THSD4: variants seen among roughly 807,000 people sequenced by gnomAD.
THSD4 encodes thrombospondin type 1 domain containing 4, also known as thrombospondin type-1 domain-containing protein 4.
Under a neutral mutation model 119.0 loss-of-function variants are expected in THSD4, and 69 were observed. That is an observed-to-expected ratio of 0.58 (90% CI 0.48 to 0.71). THSD4 has a LOEUF of 0.71. Ranked by LOEUF, THSD4 falls within the 30% of genes least tolerant of loss-of-function variation. THSD4 has a pLI of 0.00. For synonymous variants in THSD4, 524 were observed against 540.4 expected, an observed-to-expected ratio of 0.97 and a Z score of 0.42; for missense variants, 1,393 against 1,391.1, an observed-to-expected ratio of 1.00 and a Z score of -0.02.
intron 6 of THSD4, among the ~76,000 whole-genome samples, chr15:71,380,819 C>G (rs1006587846): frequency 6.6e-6 from 1 of 152,234 alleles, no homozygotes; most frequent in Non-Finnish European, 1.5e-5. Flanking sequence ...AGCTTGCCAC[C>G]CACCACTTAG....
chr15:71,332,891 C>CCTTTTTTTTTTTTTTTTTT (rs1184457820), intron 6 of THSD4, among the ~76,000 whole-genome samples: 1 of 38,034 alleles, frequency 2.6e-5, no homozygotes, highest in East Asian at 1.3e-3. Flanking sequence ...GATTTTTTTA[C>CCTTTTTTTTTTTTTTTTTT]ATTTTTTTTT....
chr15:71,579,904 G>GTT lies in THSD4; in HGVS notation c.1153-80617_1153-80616dup, dbSNP rs138949303. Reference sequence around the variant, plus strand: ...TGGCTTAAAACACATAAACGGTGGGGTTTTTTTTTTGAGGAGGGTGATGCT... The same window carrying GTT: ...TGGCTTAAAACACATAAACGGTGGGGTTTTTTTTTTTTGAGGAGGGTGATGCT... On this transcript the variant is annotated intron_variant, in intron 7 of 17. Coordinates refer to ENST00000261862, the MANE Select transcript of THSD4 (RefSeq NM_024817.3). Among the ~76,000 whole-genome samples, 1,460 of 148,406 alleles carry GTT rather than the reference G, an allele frequency of 9.8e-3. 27 individuals are homozygous for GTT. The highest frequency in any genetic ancestry group is 0.033 in the African/African-American group (1,357 of 40,590).
chr15:71,341,565 C>T (rs1440181286), intron 6 of THSD4: 1 of 1,607,010 alleles, frequency 6.2e-7, no homozygotes, highest in Non-Finnish European at 8.5e-7. Flanking sequence ...AAAGTGACAT[C>T]TTTCAGATAC....
intron 7 of THSD4, among the ~76,000 whole-genome samples, chr15:71,653,623 G>A (rs5028694): frequency 0.52 from 78,498 of 152,084 alleles, 22,741 homozygotes; most frequent in Non-Finnish European, 0.66. Flanking sequence ...CTCACCTTGA[G>A]GAAGAAGAGC....
intron 7 of THSD4, among the ~76,000 whole-genome samples, chr15:71,546,036 A>C (rs11636519): frequency 0.23 from 34,408 of 152,164 alleles, 4,514 homozygotes; most frequent in Admixed American, 0.29. Context: ...CTGTGTCTTT[A>C]GTAGTTACTG....
chr15:71,641,419 T>C (rs1454165736), intron 7 of THSD4, among the ~76,000 whole-genome samples: 1 of 152,058 alleles, frequency 6.6e-6, no homozygotes, highest in East Asian at 1.9e-4. Context: ...CTTTACACCA[T>C]TGTTAACAAC....
At chr15:71,647,060 G>A (rs114745598) in intron 7 of THSD4, among the ~76,000 whole-genome samples, 194 of 152,250 alleles carry the variant, frequency 1.3e-3, no homozygotes, top group African/African-American at 4.2e-3. Flanking sequence ...CACATCTGGG[G>A]GGCATGATTT....
chr15:71,603,021 G>A (rs556165296), intron 7 of THSD4, among the ~76,000 whole-genome samples: 101 of 152,326 alleles, frequency 6.6e-4, no homozygotes, highest in African/African-American at 2.2e-3. Flanking sequence ...CTCTTTCCCC[G>A]CTATGTTGCC....
chr15:71,396,003 G>T (rs962829575), intron 6 of THSD4, among the ~76,000 whole-genome samples: 1 of 148,438 alleles, frequency 6.7e-6, no homozygotes, highest in South Asian at 2.2e-4. Flanking sequence ...GTCGGGATTC[G>T]CTGAGTGGAC....
intron 6 of THSD4, among the ~76,000 whole-genome samples, chr15:71,379,023 A>G (rs537495944): frequency 1.3e-5 from 2 of 152,164 alleles, no homozygotes; most frequent in Admixed American, 1.3e-4. Flanking sequence ...GGCTCAAACA[A>G]TCCTCCTCTG....
chr15:71,704,532 G>T (rs540716177), intron 8 of THSD4, among the ~76,000 whole-genome samples: 24 of 152,282 alleles, frequency 1.6e-4, no homozygotes, highest in Admixed American at 1.0e-3. Flanking sequence ...CACCTCCCCA[G>T]CCATGTGGAA....
At chr15:71,591,552 T>C (rs2049805937) in intron 7 of THSD4, among the ~76,000 whole-genome samples, 3 of 152,162 alleles carry the variant, frequency 2.0e-5, no homozygotes, top group African/African-American at 7.2e-5. Context: ...ACATGCTCCA[T>C]GTGTGGCAGA....
chr15:71,746,974 C>A lies in THSD4; in HGVS notation c.2173C>A (p.Pro725Thr). ...CTACCGCTGCCAGCACCTGGAGAAA[C>A]CTGAGACCACCAGCACCTGCCAACT... ...QPYRCQHLEK[P>T]ETTSTCQLKI... The change falls in exon 13 of 18, where the codon CCT becomes ACT. Residue 725 changes from proline to threonine, a missense_variant. Physicochemically the swap from Pro to Thr is conservative, Grantham distance 38. Transcript: ENST00000261862. 1 of 1,613,692 alleles carries A rather than the reference C, an allele frequency of 6.2e-7. No individual in the cohort carries two copies. The highest frequency in any genetic ancestry group is 1.1e-5 in the South Asian group (1 of 91,052).
intron 6 of THSD4, among the ~76,000 whole-genome samples, chr15:71,263,915 G>A (rs142063596): frequency 6.6e-6 from 1 of 152,340 alleles, no homozygotes; most frequent in Non-Finnish European, 1.5e-5. Context: ...TTAAGTCCAG[G>A]TGACTTTTAT....
upstream of THSD4, chr15:71,113,846 A>C (rs949396598): frequency 6.6e-6 from 1 of 152,240 alleles, no homozygotes; most frequent in African/African-American, 2.4e-5. Flanking sequence ...TAAAATGTAC[A>C]TAACATAAAA....
At chr15:71,618,924 C>T (rs1461218435) in intron 7 of THSD4, among the ~76,000 whole-genome samples, 1 of 151,566 alleles carries the variant, frequency 6.6e-6, no homozygotes, top group African/African-American at 2.4e-5. Context: ...AAGGAAGGTA[C>T]TTTAAACAAA....
In THSD4 at chr15:71,234,988, A is replaced by G. The variant is rs1344377525; in HGVS notation, c.465-7661A>G. 3.3e-5 allele frequency among the ~76,000 whole-genome samples: 5 copies of G among 152,354 alleles called. No individual in the cohort carries two copies. The East Asian group carries it at 9.6e-4, about 29-fold the overall frequency. ...CACTTGAGAAGGACTATTCCTCGGT[A>G]TAATTTCTACCACCTAGTGTTGTTT... On this transcript the variant is annotated intron_variant, in intron 4 of 17. Coordinates refer to ENST00000261862, the MANE Select transcript of THSD4 (RefSeq NM_024817.3).
chr15:71,532,913 C>A (rs2048637058), intron 7 of THSD4, among the ~76,000 whole-genome samples: 1 of 152,214 alleles, frequency 6.6e-6, no homozygotes, highest in Non-Finnish European at 1.5e-5. Flanking sequence ...ATTTTTTCAG[C>A]TCCACTGGTG....
intron 7 of THSD4, among the ~76,000 whole-genome samples, chr15:71,638,202 AG>A (rs1234373681): frequency 6.6e-6 from 1 of 152,202 alleles, no homozygotes; most frequent in Non-Finnish European, 1.5e-5. Flanking sequence ...ACATTTTTGC[AG>A]GGCAGTTACT....
Sources: gnomAD v4.1 joint callset for allele counts (sites outside exome capture counted in the v4.1 genomes callset) on GRCh38, gnomAD v4.1.1 for gene constraint, MANE v1.5 for transcripts, NCBI Gene and HGNC (gene_info 2026-07-23, HGNC 2026-07-21) for gene names.